The following FBXO33 variants were observed in gnomAD, a reference collection of about 807,000 sequenced individuals.
FBXO33 encodes F-box only protein 33.
A neutral mutation model predicts 46.3 loss-of-function variants in FBXO33; 22 were observed. The observed-to-expected ratio is 0.48, with a 90% CI of 0.34 to 0.68. The LOEUF is 0.68. Ranked by LOEUF, FBXO33 falls within the 30% of genes least tolerant of loss-of-function variation. FBXO33 has a pLI of 0.01. For missense variants in FBXO33, 692 were observed against 708.8 expected (o/e 0.98, Z 0.27); for synonymous variants, 337 against 291.3 (o/e 1.16, Z -1.60).
At chr14:39,424,402 A>C (rs1235170112) in intron 1 of FBXO33, among the ~76,000 whole-genome samples, 1 of 152,248 alleles carries the variant, frequency 6.6e-6, no homozygotes, top group Non-Finnish European at 1.5e-5. Flanking sequence ...AAGCTCTATG[A>C]TGGCAGGGCC....
chr14:39,401,100 A>G, intron 3 of FBXO33, 76 bp downstream of exon 3: 2 of 1,293,604 alleles, frequency 1.5e-6, no homozygotes, highest in Non-Finnish European at 2.1e-6. Flanking sequence ...TATAAAGGTC[A>G]GTGCTATCTC....
chr14:39,399,935 T>C (rs760329015), intron 3 of FBXO33, 148 bp from the exon 4 acceptor site: 6 of 950,474 alleles, frequency 6.3e-6, no homozygotes, highest in Non-Finnish European at 8.8e-6. Flanking sequence ...TAGAAATATA[T>C]TGAAATTGGA....
chr14:39,408,170 C>G (rs1427155626), intron 1 of FBXO33, among the ~76,000 whole-genome samples: 4 of 152,064 alleles, frequency 2.6e-5, no homozygotes, highest in Non-Finnish European at 5.9e-5. Flanking sequence ...GTCTTGAACT[C>G]CTGGACTCAA....
intron 3 of FBXO33, 120 bp from the exon 4 acceptor site, chr14:39,399,907 G>A (rs1421042409): frequency 3.5e-6 from 4 of 1,146,382 alleles, no homozygotes; most frequent in East Asian, 2.7e-5. Flanking sequence ...CTCACTTACC[G>A]TTTTGGTCTT....
rs768730310 is a variant in FBXO33, at chr14:39,399,716, C to T, written c.1468G>A (p.Val490Ile). The T allele has an allele frequency of 7.4e-6, 12 of 1,613,874 alleles. No individual in the cohort carries two copies. The Admixed American group carries it at 2.0e-4, about 27-fold the overall frequency. Residue 490 changes from valine to isoleucine, a missense_variant, in exon 4 of 4, where the codon GTC (valine) becomes ATC (isoleucine). Val to Ile is a conservative substitution (Grantham distance 29, BLOSUM62 3). This residue lies in a region of FBXO33 where 94 missense variants were observed against 91.9 expected (regional missense o/e 1.02). Coordinates refer to ENST00000298097, the MANE Select transcript of FBXO33 (RefSeq NM_203301.4). ...TCAAAATCAATGCTTTCTTCGGTGACTTCAAGCACTTTCAGATCAGAGCCC... is the reference window on the plus strand; with the variant it reads ...TCAAAATCAATGCTTTCTTCGGTGATTTCAAGCACTTTCAGATCAGAGCCC... ...LRGSDLKVLE[V>I]TEESIDFDQG...
chr14:39,416,166 T>C lies in FBXO33; in HGVS notation c.600-13655A>G, dbSNP rs1052621003. ...TCTTGTAAGGCAGTTCTAGAAATGA[T>C]TAAACTCCTTTAGCTTCTGTTTATC... On this transcript the variant is annotated intron_variant, in intron 1 of 3. Coordinates refer to ENST00000298097, the MANE Select transcript of FBXO33 (RefSeq NM_203301.4). Among the ~76,000 whole-genome samples the C allele has an allele frequency of 1.6e-4, 25 of 152,258 alleles. 1 individual carries two copies. Among genetic ancestry groups the C allele is most frequent in the African/African-American group, 6.0e-4 (25 of 41,462 alleles).
chr14:39,425,319 C>G (rs916264802), intron 1 of FBXO33, among the ~76,000 whole-genome samples: 1 of 151,946 alleles, frequency 6.6e-6, no homozygotes, highest in Non-Finnish European at 1.5e-5. Context: ...TCCAGAGGAT[C>G]CAAAATTATT....
chr14:39,429,297 C>T (rs938181265), intron 1 of FBXO33, among the ~76,000 whole-genome samples: 39 of 152,176 alleles, frequency 2.6e-4, no homozygotes, highest in South Asian at 2.1e-4. Flanking sequence ...ATGATTCACA[C>T]CCCCTCTTTT....
At chr14:39,403,647 A>AAAAT (rs2075379084) in intron 1 of FBXO33, among the ~76,000 whole-genome samples, 1 of 152,228 alleles carries the variant, frequency 6.6e-6, no homozygotes, top group African/African-American at 2.4e-5. Context: ...AATTGTAAAT[A>AAAAT]AAATAGGAGA....
chr14:39,424,988 G>A (rs1441631733), intron 1 of FBXO33, among the ~76,000 whole-genome samples: 2 of 152,090 alleles, frequency 1.3e-5, no homozygotes, highest in African/African-American at 4.8e-5. Context: ...GGAGTCAGAG[G>A]TGGCAGTGAG....
At chr14:39,405,079 TG>T in intron 1 of FBXO33, among the ~76,000 whole-genome samples, 1 of 141,148 alleles carries the variant, frequency 7.1e-6, no homozygotes, top group South Asian at 2.2e-4. Context: ...ACCTGGGAGA[TG>T]GGAGGTTGCA....
At chr14:39,430,187 C>A (rs2075535936) in intron 1 of FBXO33, among the ~76,000 whole-genome samples, 2 of 152,188 alleles carry the variant, frequency 1.3e-5, no homozygotes, top group Non-Finnish European at 2.9e-5. Context: ...AAGTCTCTAA[C>A]CTAATCTGTT....
At chr14:39,406,396 C>A (rs73285551) in intron 1 of FBXO33, among the ~76,000 whole-genome samples, 12,969 of 152,138 alleles carry the variant, frequency 0.085, 1,809 homozygotes, top group African/African-American at 0.29. Flanking sequence ...TACAAAGAAA[C>A]ACTAAGGACA....
intron 1 of FBXO33, among the ~76,000 whole-genome samples, chr14:39,412,420 C>T (rs1010433062): frequency 5.9e-5 from 9 of 152,272 alleles, no homozygotes; most frequent in East Asian, 3.9e-4. Flanking sequence ...CTCATTTCCC[C>T]GCTTTCACCC....
chr14:39,432,081 G>A lies in FBXO33; in HGVS notation c.82C>T (p.Arg28Trp), dbSNP rs2075562797. The change falls in exon 1 of 4, where the codon CGG (arginine) becomes TGG (tryptophan). Residue 28 changes from arginine (R) to tryptophan (W), a missense_variant. Arg to Trp is a moderately radical substitution (Grantham distance 101). This residue lies in a region of FBXO33 where 412 missense variants were observed against 370.8 expected (regional missense o/e 1.11). Transcript: ENST00000298097. ...RAGAARVARW[R>W]RLRLQQLRRL... ...CGCAGCTGCTGCAGCCGCAGCCGCCGCCACCGCGCCACCCGGGCGGCCCCG... is the reference window on the plus strand; with the variant it reads ...CGCAGCTGCTGCAGCCGCAGCCGCCACCACCGCGCCACCCGGGCGGCCCCG... The A allele has an allele frequency of 8.1e-6, 10 of 1,241,260 alleles. No individual in the cohort carries two copies. Among genetic ancestry groups the A allele is most frequent in the Non-Finnish European group, 9.0e-6 (9 of 994,954 alleles). The allele number at this position is 1,241,260 out of a possible 1,614,324, so 76.9% of individuals were successfully genotyped here. A position where few individuals can be genotyped will look rare whatever the true frequency, so the allele number is the denominator to read the frequency against.
chr14:39,412,345 A>G lies in FBXO33; in HGVS notation c.600-9834T>C, dbSNP rs568087593. Among the ~76,000 whole-genome samples the G allele has an allele frequency of 2.0e-5, 3 of 152,202 alleles. No homozygotes were observed. The South Asian group carries it at 6.2e-4, about 32-fold the overall frequency. Reference sequence around the variant, plus strand: ...TGTGTCAGTTTTTGACTTAAAGTCTATTTTCTAAGATATAAGTATAGACAC... The same window carrying G: ...TGTGTCAGTTTTTGACTTAAAGTCTGTTTTCTAAGATATAAGTATAGACAC... On this transcript the variant is annotated intron_variant, in intron 1 of 3. Transcript: ENST00000298097.
chr14:39,432,135 G>A lies in FBXO33; in HGVS notation c.28C>T (p.Pro10Ser), dbSNP rs200716973. 2.2e-3 allele frequency: 2,754 copies of A among 1,240,584 alleles called. 12 individuals are homozygous for A. Among genetic ancestry groups the A allele is most frequent in the Non-Finnish European group, 2.6e-3 (2,577 of 993,516 alleles). The allele number at this position is 1,240,584 out of a possible 1,614,324, so 76.8% of individuals were successfully genotyped here. Reference sequence around the variant, plus strand: ...CGGGTTCGAGCTCCCGGCGGTCGGGGCTGCGGCACTGACAAGAACAACAAC... The same window carrying A: ...CGGGTTCGAGCTCCCGGCGGTCGGGACTGCGGCACTGACAAGAACAACAAC... Reference protein sequence around the residue: MLLFLSVPQPRPPGARTRAG... With the variant: MLLFLSVPQSRPPGARTRAG... The change falls in exon 1 of 4, where the codon CCC (proline) becomes TCC (serine). Residue 10 changes from proline (P) to serine (S), a missense_variant. Pro to Ser is a moderately conservative substitution (Grantham distance 74). Around this residue, in one of 3 missense-constraint regions of FBXO33, gnomAD observed 412 missense variants for 370.8 expected, o/e 1.11. Coordinates refer to ENST00000298097, the MANE Select transcript of FBXO33 (RefSeq NM_203301.4).
chr14:39,426,766 T>C (rs996986156), intron 1 of FBXO33, among the ~76,000 whole-genome samples: 1 of 152,250 alleles, frequency 6.6e-6, no homozygotes, highest in African/African-American at 2.4e-5. Context: ...ACGCTTGTTA[T>C]TCATGCTGCA....
At chr14:39,421,916 A>G (rs760928763) in intron 1 of FBXO33, among the ~76,000 whole-genome samples, 48 of 152,194 alleles carry the variant, frequency 3.2e-4, no homozygotes, top group Non-Finnish European at 5.0e-4. Context: ...TTAGAACATC[A>G]TATCTAATTC....
Sources: allele counts gnomAD v4.1 joint callset (sites outside exome capture counted in the v4.1 genomes callset), GRCh38; gene constraint gnomAD v4.1.1; regional missense constraint gnomAD v4.1.1; transcripts MANE v1.5; gene names NCBI Gene and HGNC (gene_info 2026-07-23, HGNC 2026-07-21).